Variants in GABRB1 observed in about 807,000 individuals in gnomAD.
The protein encoded by GABRB1 is gamma-aminobutyric acid type A receptor subunit beta1, also known as gamma-aminobutyric acid receptor subunit beta-1.
GABRB1 carries 17 observed loss-of-function variants against 51.6 expected under a neutral mutation model. That is an observed-to-expected ratio of 0.33 (90% CI 0.23 to 0.49). GABRB1 has a LOEUF of 0.49. Ranked by LOEUF, GABRB1 falls within the 20% of genes least tolerant of loss-of-function variation. The probability of loss-of-function intolerance (pLI) is 0.99; values close to 1 mark genes in which losing one functional copy is unlikely to be tolerated. For synonymous variants in GABRB1, 247 were observed against 218.9 expected (o/e 1.13, Z -1.14); for missense variants, 410 against 600.6 (o/e 0.68, Z 3.32).
intron 3 of GABRB1, chr4:47,032,959 G>T: frequency 2.9e-6 from 1 of 348,438 alleles, no homozygotes; most frequent in Non-Finnish European, 5.7e-6. Flanking sequence ...AGCACAGTCT[G>T]GGTTTCAAAG....
At chr4:47,304,765 TC>T (rs1436950695) in intron 4 of GABRB1, among the ~76,000 whole-genome samples, 2 of 152,088 alleles carry the variant, frequency 1.3e-5, no homozygotes, top group Admixed American at 1.3e-4. Flanking sequence ...TCATTTATCT[TC>T]CCCTGGATTT....
chr4:47,077,850 A>T (rs897831861), intron 3 of GABRB1, among the ~76,000 whole-genome samples: 5 of 140,106 alleles, frequency 3.6e-5, no homozygotes, highest in South Asian at 2.1e-4. Context: ...TTTTATATAT[A>T]TTTTTATATA....
At chr4:47,326,072 A>G (rs1725248379) in intron 5 of GABRB1, among the ~76,000 whole-genome samples, 1 of 152,218 alleles carries the variant, frequency 6.6e-6, no homozygotes. Context: ...TGATTGGAGC[A>G]TGATGAAATC....
At chr4:47,089,426 G>C (rs1447743952) in intron 3 of GABRB1, among the ~76,000 whole-genome samples, 2 of 152,126 alleles carry the variant, frequency 1.3e-5, no homozygotes, top group African/African-American at 4.8e-5. Context: ...TCAACATTTT[G>C]AGACTATTTC....
At chr4:47,403,183 G>C (rs1728457042) in intron 5 of GABRB1, 135 bp from the exon 6 acceptor site, 1 of 830,212 alleles carries the variant, frequency 1.2e-6, no homozygotes, top group East Asian at 2.6e-5. Context: ...CTCCACATGA[G>C]ACCTGCATAC....
At chr4:47,108,824 A>C (rs1254977104) in intron 3 of GABRB1, among the ~76,000 whole-genome samples, 1 of 152,052 alleles carries the variant, frequency 6.6e-6, no homozygotes, top group Non-Finnish European at 1.5e-5. Context: ...TTGTCAGGAC[A>C]CCAAAACAGA....
At chr4:47,270,653 A>G (rs1475684155) in intron 4 of GABRB1, among the ~76,000 whole-genome samples, 1 of 152,206 alleles carries the variant, frequency 6.6e-6, no homozygotes, top group Non-Finnish European at 1.5e-5. Flanking sequence ...AAATCCTCCT[A>G]ACCTATTCAG....
chr4:47,141,523 C>T (rs764538065), intron 3 of GABRB1, among the ~76,000 whole-genome samples: 3 of 151,852 alleles, frequency 2.0e-5, no homozygotes, highest in African/African-American at 4.8e-5. Context: ...TCATTATGCA[C>T]GTTATATTTT....
intron 3 of GABRB1, among the ~76,000 whole-genome samples, chr4:47,139,892 T>A (rs1310221244): frequency 6.6e-6 from 1 of 152,004 alleles, no homozygotes; most frequent in Non-Finnish European, 1.5e-5. Flanking sequence ...AGAAATGTTC[T>A]ACAGCATTTC....
intron 3 of GABRB1, among the ~76,000 whole-genome samples, chr4:47,149,171 C>T (rs554613521): frequency 4.9e-4 from 74 of 151,782 alleles, no homozygotes; most frequent in African/African-American, 1.6e-3. Flanking sequence ...GGAAAGCACC[C>T]GGTAAAATGC....
chr4:47,410,707 G>A (rs1008763379), intron 8 of GABRB1, among the ~76,000 whole-genome samples: 3 of 152,168 alleles, frequency 2.0e-5, no homozygotes, highest in African/African-American at 7.2e-5. Flanking sequence ...GAAGCTGGGG[G>A]AAAGAAAAAT....
chr4:47,033,861 A>T (rs923546944), intron 3 of GABRB1, among the ~76,000 whole-genome samples: 3 of 152,218 alleles, frequency 2.0e-5, no homozygotes, highest in African/African-American at 7.2e-5. Flanking sequence ...ACTCAATTTT[A>T]AAAACGTAAT....
At chr4:47,229,085 G>A (rs1721050158) in intron 4 of GABRB1, among the ~76,000 whole-genome samples, 1 of 152,112 alleles carries the variant, frequency 6.6e-6, no homozygotes, top group Non-Finnish European at 1.5e-5. Flanking sequence ...CCCATGGCTA[G>A]TAAATGGTCT....
At chr4:47,132,012 A>C (rs1716437753) in intron 3 of GABRB1, among the ~76,000 whole-genome samples, 2 of 152,178 alleles carry the variant, frequency 1.3e-5, no homozygotes, top group Non-Finnish European at 2.9e-5. Flanking sequence ...AAGGTAGTTT[A>C]ATGAATTTTC....
intron 1 of GABRB1, among the ~76,000 whole-genome samples, chr4:47,016,451 A>T (rs757986689): frequency 6.6e-6 from 1 of 152,204 alleles, no homozygotes; most frequent in African/African-American, 2.4e-5. Flanking sequence ...TGACATAGTG[A>T]CACTTTAGTG....
chr4:47,340,803 GA>G (rs201821788), intron 5 of GABRB1, among the ~76,000 whole-genome samples: 2,408 of 152,034 alleles, frequency 0.016, 55 homozygotes, highest in African/African-American at 0.055. Context: ...AGGAGATTCT[GA>G]AAAAAAATTT....
At chr4:47,147,040 A>G (rs1174081297) in intron 3 of GABRB1, among the ~76,000 whole-genome samples, 1 of 152,012 alleles carries the variant, frequency 6.6e-6, no homozygotes, top group Non-Finnish European at 1.5e-5. Context: ...TACCTACCCT[A>G]GAGAGTGGAT....
chr4:47,151,815 T>C (rs554930140), intron 3 of GABRB1, among the ~76,000 whole-genome samples: 1 of 152,126 alleles, frequency 6.6e-6, no homozygotes, highest in Non-Finnish European at 1.5e-5. Context: ...ATTTTTTTGT[T>C]TTGATTATTG....
chr4:47,052,125 G>C (rs1331248908), intron 3 of GABRB1, among the ~76,000 whole-genome samples: 1 of 152,048 alleles, frequency 6.6e-6, no homozygotes, highest in African/African-American at 2.4e-5. Flanking sequence ...GTGAGACCCT[G>C]TCTCAAAAAA....
Sources: gnomAD v4.1 joint callset for allele counts (sites outside exome capture counted in the v4.1 genomes callset) on GRCh38, gnomAD v4.1.1 for gene constraint, MANE v1.5 for transcripts, NCBI Gene and HGNC (gene_info 2026-07-23, HGNC 2026-07-21) for gene names.